TENM3: variants seen among roughly 807,000 people sequenced by gnomAD.
TENM3 encodes teneurin transmembrane protein 3.
A neutral mutation model predicts 255.1 loss-of-function variants in TENM3; 63 were observed. That is an observed-to-expected ratio of 0.25 (90% CI 0.20 to 0.30). TENM3 has a LOEUF of 0.30. Ranked by LOEUF, TENM3 falls within the 10% of genes least tolerant of loss-of-function variation. The pLI is 1.00. For missense variants in TENM3, 2,929 were observed against 3,461.1 expected (o/e 0.85, Z 3.86); for synonymous variants, 1,306 against 1,322.3 (o/e 0.99, Z 0.27).
chr4:182,137,935 C>A, the TENM3 span, among the ~76,000 whole-genome samples: 7 of 152,164 alleles, frequency 4.6e-5, no homozygotes, highest in African/African-American at 1.7e-4. Flanking sequence ...TTGCTCAAAT[C>A]CCTAAATGAA....
In TENM3 at chr4:182,688,289, G is replaced by A. The variant is rs1459261681; in HGVS notation, c.2159G>A (p.Gly720Glu). Residue 720 changes from glycine to glutamate, a missense_variant, in exon 12 of 28, where the codon GGG (glycine) becomes GAG (glutamate). Around this residue, in one of 6 missense-constraint regions of TENM3, gnomAD observed 1,608 missense variants for 1,884.4 expected, o/e 0.85. Coordinates refer to ENST00000511685, the MANE Select transcript of TENM3 (RefSeq NM_001080477.4). ...RACHPRCAEH[G>E]TCKDGKCECS... ...TGCCACCCCCGCTGTGCCGAGCACG[G>A]GACCTGCAAGGATGGCAAGTGTGAA... 1.5e-5 allele frequency: 24 copies of A among 1,613,930 alleles called. No individual in the cohort carries two copies. The highest frequency in any genetic ancestry group is 1.9e-5 in the Non-Finnish European group (23 of 1,179,866).
At chr4:182,770,695 C>T (rs1175355680) in intron 22 of TENM3, among the ~76,000 whole-genome samples, 1 of 152,216 alleles carries the variant, frequency 6.6e-6, no homozygotes, top group African/African-American at 2.4e-5. Flanking sequence ...GAGTGGTAGC[C>T]TCACAGGACA....
At chr4:182,145,625 G>C (rs1339952160) in intron 1 of TENM3, among the ~76,000 whole-genome samples, 2 of 152,154 alleles carry the variant, frequency 1.3e-5, no homozygotes, top group African/African-American at 4.8e-5. Context: ...ACAAGTACTT[G>C]TACCGTGTAA....
chr4:181,544,888 A>C, the TENM3 span, among the ~76,000 whole-genome samples: 4,711 of 152,326 alleles, frequency 0.031, 92 homozygotes, highest in Non-Finnish European at 0.047. Context: ...AGAGCTGACA[A>C]ATGTTTTTGC....
At chr4:181,474,252 T>A in the TENM3 span, among the ~76,000 whole-genome samples, 1 of 152,090 alleles carries the variant, frequency 6.6e-6, no homozygotes, top group African/African-American at 2.4e-5. Flanking sequence ...CACCATGGCA[T>A]GTGTATACCT....
At chr4:181,624,705 T>C in the TENM3 span, among the ~76,000 whole-genome samples, 2 of 152,238 alleles carry the variant, frequency 1.3e-5, no homozygotes, top group Non-Finnish European at 2.9e-5. Flanking sequence ...TGCTGCATAA[T>C]GAACCACCTC....
chr4:181,499,499 T>C, the TENM3 span, among the ~76,000 whole-genome samples: 1 of 152,172 alleles, frequency 6.6e-6, no homozygotes, highest in Admixed American at 6.5e-5. Flanking sequence ...ATAGTGAGAA[T>C]ATGTGGCTGG....
Position 182,178,074 on chromosome 4 carries a change from C to G in TENM3, c.-76+33320C>G, listed in dbSNP as rs181932101. Among the ~76,000 whole-genome samples the G allele has an allele frequency of 2.2e-3, 332 of 151,714 alleles. 1 individual carries two copies. In the Middle Eastern group the frequency reaches 0.034, roughly 16 times the overall value. ...ATAGATTATCAGCAACCCCCTAGCC[C>G]CTGCAGGATTGGTATTTTGTAATTA... On this transcript the variant is annotated intron_variant, in intron 1 of 2. Coordinates refer to the TENM3 transcript ENST00000512480.
chr4:181,887,504 T>C, the TENM3 span, among the ~76,000 whole-genome samples: 7 of 152,340 alleles, frequency 4.6e-5, no homozygotes, highest in Admixed American at 2.6e-4. Context: ...TCTCTTTCTT[T>C]CTCTGTGCCT....
chr4:182,388,024 G>A (rs1296666319), intron 3 of TENM3, among the ~76,000 whole-genome samples: 1 of 151,614 alleles, frequency 6.6e-6, no homozygotes, highest in Non-Finnish European at 1.5e-5. Context: ...AAGCAAACGT[G>A]TAAGCATGTA....
the TENM3 span, among the ~76,000 whole-genome samples, chr4:182,126,181 G>A: frequency 2.2e-4 from 33 of 151,944 alleles, no homozygotes; most frequent in African/African-American, 8.0e-4. Flanking sequence ...CTGACCACTC[G>A]AGACATGACT....
chr4:182,165,112 G>C (rs534918991), intron 1 of TENM3, among the ~76,000 whole-genome samples: 2 of 152,248 alleles, frequency 1.3e-5, no homozygotes, highest in Non-Finnish European at 2.9e-5. Flanking sequence ...CACAGTCAGG[G>C]TTGAGAAGCC....
chr4:181,892,920 G>A, the TENM3 span, among the ~76,000 whole-genome samples: 1 of 152,146 alleles, frequency 6.6e-6, no homozygotes, highest in Non-Finnish European at 1.5e-5. Context: ...GAAGAACTGT[G>A]AATTGTACCA....
the TENM3 span, among the ~76,000 whole-genome samples, chr4:181,768,656 C>CT: frequency 2.0e-5 from 3 of 151,776 alleles, no homozygotes; most frequent in South Asian, 2.1e-4. Flanking sequence ...AATGCTGTGC[C>CT]TTTTTTTTCT....
At chr4:182,096,129 C>CAAA in the TENM3 span, among the ~76,000 whole-genome samples, 1,782 of 130,506 alleles carry the variant, frequency 0.014, 45 homozygotes, top group African/African-American at 0.047. Context: ...GACCCTGTCT[C>CAAA]AAAAAAAAAA....
chr4:182,136,996 G>A, the TENM3 span, among the ~76,000 whole-genome samples: 3 of 151,060 alleles, frequency 2.0e-5, no homozygotes, highest in Admixed American at 6.6e-5. Context: ...CCAATACAAC[G>A]TTGTGTTAAA....
the TENM3 span, among the ~76,000 whole-genome samples, chr4:181,605,584 G>GAAAGATAGAAAGAAAGAAAGAAAGAAA: frequency 2.9e-5 from 2 of 69,142 alleles, 1 homozygote; most frequent in Non-Finnish European, 6.0e-5. Context: ...GAGAAAGAAA[G>GAAAGATAGAAAGAAAGAAAGAAAGAAA]GAAAGAAAGA....
At chr4:182,314,419 A>T (rs1047972224) in intron 1 of TENM3, among the ~76,000 whole-genome samples, 1 of 152,252 alleles carries the variant, frequency 6.6e-6, no homozygotes, top group Non-Finnish European at 1.5e-5. Flanking sequence ...TAAGTGAATA[A>T]GTAAAGAAAT....
At chr4:182,612,283 A>C (rs944332576) in intron 4 of TENM3, among the ~76,000 whole-genome samples, 13 of 151,974 alleles carry the variant, frequency 8.6e-5, no homozygotes, top group Non-Finnish European at 4.4e-5. Flanking sequence ...AAAAAAAAAA[A>C]AAAAAAATTC....
Sources: allele counts gnomAD v4.1 joint callset (sites outside exome capture counted in the v4.1 genomes callset), GRCh38; gene constraint gnomAD v4.1.1; regional missense constraint gnomAD v4.1.1; transcripts MANE v1.5; gene names NCBI Gene and HGNC (gene_info 2026-07-23, HGNC 2026-07-21).